The following DENND2B variants were observed in gnomAD, a reference collection of about 807,000 sequenced individuals.
DENND2B encodes DENN domain containing 2B.
DENND2B carries 32 observed loss-of-function variants against 116.0 expected under a neutral mutation model. The ratio of observed to expected loss-of-function variants is 0.28; its 90% CI spans 0.21 to 0.37. The LOEUF is 0.37. Ranked by LOEUF, DENND2B falls within the 10% of genes least tolerant of loss-of-function variation. The pLI, the probability that DENND2B is intolerant of heterozygous loss-of-function variation, is 1.00. For missense variants in DENND2B, 1,276 were observed against 1,477.7 expected, an observed-to-expected ratio of 0.86 and a Z score of 2.24; for synonymous variants, 588 against 583.9, an observed-to-expected ratio of 1.01 and a Z score of -0.10.
At chr11:8,819,638 A>AT (rs1462466400) in intron 4 of DENND2B, among the ~76,000 whole-genome samples, 3 of 152,244 alleles carry the variant, frequency 2.0e-5, no homozygotes, top group Non-Finnish European at 4.4e-5. Flanking sequence ...CAAATCCATG[A>AT]CCTTGATCTA....
chr11:8,734,837 C>T (rs533103278), intron 2 of DENND2B, among the ~76,000 whole-genome samples: 1 of 151,572 alleles, frequency 6.6e-6, no homozygotes, highest in African/African-American at 2.4e-5. Flanking sequence ...TCAGAGAATC[C>T]CTGTGAGAAA....
chr11:8,806,780 C>A (rs1191157057), intron 1 of DENND2B, among the ~76,000 whole-genome samples: 1 of 152,086 alleles, frequency 6.6e-6, no homozygotes, highest in African/African-American at 2.4e-5. Context: ...ACACACATAG[C>A]ACCTCCCCTC....
chr11:8,883,874 C>T (rs2063929778), intron 1 of DENND2B, among the ~76,000 whole-genome samples: 1 of 152,174 alleles, frequency 6.6e-6, no homozygotes, highest in African/African-American at 2.4e-5. Context: ...AATAGAAAAA[C>T]ATTTTTGGCT....
chr11:8,699,127 T>G (rs1334906749), intron 15 of DENND2B, 86 bp downstream of exon 15: 1 of 1,511,890 alleles, frequency 6.6e-7, no homozygotes, highest in African/African-American at 1.4e-5. Context: ...AAGAGCCTGG[T>G]AAAGAGGCCG....
intron 2 of DENND2B, among the ~76,000 whole-genome samples, chr11:8,734,380 C>T (rs1419206319): frequency 6.6e-6 from 1 of 151,926 alleles, no homozygotes; most frequent in African/African-American, 2.4e-5. Flanking sequence ...GTAAGAACAT[C>T]ACAGCCTTGG....
upstream of DENND2B, among the ~76,000 whole-genome samples, chr11:8,814,763 G>T (rs1041370697): frequency 2.6e-5 from 4 of 152,170 alleles, no homozygotes; most frequent in East Asian, 3.9e-4. Context: ...CCTGCACTTT[G>T]TGCAGGGCCC....
chr11:8,797,881 A>G (rs939741148), intron 1 of DENND2B, among the ~76,000 whole-genome samples: 1 of 152,056 alleles, frequency 6.6e-6, no homozygotes, highest in Admixed American at 6.6e-5. Flanking sequence ...ACATTCTAAC[A>G]ATGATGACTT....
chr11:8,759,992 T>C (rs1221925076), intron 1 of DENND2B, among the ~76,000 whole-genome samples: 1 of 152,220 alleles, frequency 6.6e-6, no homozygotes, highest in Non-Finnish European at 1.5e-5. Context: ...GATCCTCCCA[T>C]CAGCCCCTGT....
chr11:8,891,204 A>G (rs140910394), intron 1 of DENND2B, among the ~76,000 whole-genome samples: 3,531 of 152,302 alleles, frequency 0.023, 49 homozygotes, highest in Middle Eastern at 0.034. Flanking sequence ...ACATTTTGTC[A>G]CCACCAGGCC....
chr11:8,744,511 T>C (rs1462640944), intron 2 of DENND2B, among the ~76,000 whole-genome samples: 1 of 152,094 alleles, frequency 6.6e-6, no homozygotes, highest in Non-Finnish European at 1.5e-5. Context: ...AGAAAAGACT[T>C]TGGGCCCTTA....
intron 19 of DENND2B, chr11:8,694,485 G>C (rs2039975020): frequency 4.3e-6 from 2 of 468,726 alleles, no homozygotes; most frequent in Admixed American, 2.4e-5. Flanking sequence ...ATGGTCTAGA[G>C]GAAAGCTCAC....
intron 1 of DENND2B, among the ~76,000 whole-genome samples, chr11:8,771,391 AGTGT>A (rs146509652): frequency 6.6e-6 from 1 of 151,062 alleles, no homozygotes; most frequent in South Asian, 2.1e-4. Flanking sequence ...AGGGGCTGTG[AGTGT>A]GTGTGTGTGT....
chr11:8,756,055 T>C (rs1593219741), intron 1 of DENND2B, among the ~76,000 whole-genome samples: 1 of 152,206 alleles, frequency 6.6e-6, no homozygotes, highest in African/African-American at 2.4e-5. Context: ...GGAATCAACT[T>C]GCTAAGCATC....
At chr11:8,812,229 C>T (rs142030416), upstream of DENND2B, among the ~76,000 whole-genome samples, 228 of 152,266 alleles carry the variant, frequency 1.5e-3, no homozygotes, top group African/African-American at 4.6e-3. Flanking sequence ...TATGAGATAA[C>T]GCTGGGCTCC....
intron 3 of DENND2B, among the ~76,000 whole-genome samples, chr11:8,844,723 T>A (rs1387481730): frequency 6.6e-6 from 1 of 152,060 alleles, no homozygotes; most frequent in Non-Finnish European, 1.5e-5. Context: ...TAACCTCAAT[T>A]TTTTATTCTA....
intron 4 of DENND2B, chr11:8,718,104 A>ACCCCCCCCACCCCCCCACCCCCCCG (rs2045350971): frequency 1.8e-5 from 1 of 56,902 alleles, no homozygotes; most frequent in Non-Finnish European, 3.2e-5. Context: ...CCACCCCCCC[A>ACCCCCCCCACCCCCCCACCCCCCCG]CCCCCCCCAA....
intron 1 of DENND2B, among the ~76,000 whole-genome samples, chr11:8,761,853 C>T (rs1361823559): frequency 6.6e-6 from 1 of 152,182 alleles, no homozygotes; most frequent in African/African-American, 2.4e-5. Flanking sequence ...CCACAGATAG[C>T]TTACGGAGAC....
chr11:8,736,972 G>A (rs2049164593), intron 2 of DENND2B, among the ~76,000 whole-genome samples: 1 of 152,208 alleles, frequency 6.6e-6, no homozygotes, highest in Admixed American at 6.6e-5. Context: ...GAATGCCACT[G>A]CAGCAATCCA....
intron 4 of DENND2B, among the ~76,000 whole-genome samples, chr11:8,836,281 C>T (rs2062421975): frequency 6.6e-6 from 1 of 151,790 alleles, no homozygotes. Context: ...CAGAAATATT[C>T]TACTTAGCTC....
Sources: gnomAD v4.1 joint callset for allele counts (sites outside exome capture counted in the v4.1 genomes callset) on GRCh38, gnomAD v4.1.1 for gene constraint, MANE v1.5 for transcripts, NCBI Gene and HGNC (gene_info 2026-07-23, HGNC 2026-07-21) for gene names.